L3MBTL4: variants seen among roughly 807,000 people sequenced by gnomAD.
The protein encoded by L3MBTL4 is L3MBTL histone methyl-lysine binding protein 4.
L3MBTL4 carries 70 observed loss-of-function variants against 84.5 expected under a neutral mutation model. That is an observed-to-expected ratio of 0.83 (90% CI 0.68 to 1.01). The LOEUF (loss-of-function observed/expected upper bound fraction) is 1.01, where lower values mean the gene tolerates loss of function less well. Among genes scored for constraint, L3MBTL4 ranks in the 50% least tolerant of loss-of-function variants. The pLI is 0.00. For missense variants in L3MBTL4, 715 were observed against 754.8 expected (o/e 0.95, Z 0.62); for synonymous variants, 274 against 259.8 (o/e 1.05, Z -0.52).
intron 3 of L3MBTL4, among the ~76,000 whole-genome samples, chr18:6,311,347 T>TTA (rs1304739426): frequency 6.6e-6 from 1 of 151,926 alleles, no homozygotes; most frequent in Admixed American, 6.6e-5. Flanking sequence ...CCTTTCACCT[T>TTA]TAAAGTTAAG....
intron 1 of L3MBTL4, among the ~76,000 whole-genome samples, chr18:6,374,587 C>A (rs2054290335): frequency 6.6e-6 from 1 of 152,114 alleles, no homozygotes; most frequent in South Asian, 2.1e-4. Flanking sequence ...TGATTACAGT[C>A]AAAATTCCAA....
In L3MBTL4 at chr18:6,239,789, C is replaced by T. The variant is rs751249477; in HGVS notation, c.636G>A (p.Ala212=). 7.4e-6 allele frequency: 12 copies of T among 1,614,020 alleles called. No homozygotes were observed. The highest frequency in any genetic ancestry group is 6.7e-5 in the East Asian group (3 of 44,902). ...GATCTTCAACAATATCTGCTATGGTCGCCACACACACCAAGGAAGGGTTCT... is the reference window on the plus strand; with the variant it reads ...GATCTTCAACAATATCTGCTATGGTTGCCACACACACCAAGGAAGGGTTCT... The part of the protein sequence containing the change: ...DRKNPSLVCV[A]TIADIVEDRL... The change falls in exon 9 of 19, where the codon GCG becomes GCA. Residue 212 remains alanine, a synonymous_variant. Transcript: ENST00000317931.
At chr18:5,973,237 G>C (rs2052742897) in intron 16 of L3MBTL4, among the ~76,000 whole-genome samples, 1 of 152,196 alleles carries the variant, frequency 6.6e-6, no homozygotes, top group Admixed American at 6.5e-5. Context: ...GAGTGGTCCT[G>C]GAATGACAGT....
Position 5,956,105 on chromosome 18 carries a change from A to C in L3MBTL4, c.*115T>G. On this transcript the variant is annotated 3_prime_UTR_variant, in exon 19 of 19. Transcript: ENST00000317931. ...TAAACAAATCACAGACACTTTAAAA[A>C]GTCCAGATTCAGTGTGGATACGGCC... 1 of 879,338 alleles carries C rather than the reference A, an allele frequency of 1.1e-6. No individual in the cohort carries two copies. The highest frequency in any genetic ancestry group is 1.8e-6 in the Non-Finnish European group (1 of 559,072). The allele number at this position is 879,338 out of a possible 1,614,324, so 54.5% of individuals were successfully genotyped here. A position where few individuals can be genotyped will look rare whatever the true frequency, so the allele number is the denominator to read the frequency against.
intron 15 of L3MBTL4, among the ~76,000 whole-genome samples, chr18:6,090,571 ATG>A (rs10645385): frequency 1.3e-5 from 2 of 149,048 alleles, no homozygotes; most frequent in African/African-American, 4.9e-5. Context: ...ATATAAATAT[ATG>A]TGTATATATA....
chr18:6,001,501 A>C (rs1028531266), intron 16 of L3MBTL4, among the ~76,000 whole-genome samples: 3 of 152,188 alleles, frequency 2.0e-5, no homozygotes, highest in African/African-American at 7.2e-5. Context: ...AGAAGCAGCA[A>C]ACCCTGGGGA....
intron 1 of L3MBTL4, among the ~76,000 whole-genome samples, chr18:6,324,158 C>G (rs2051585959): frequency 1.3e-5 from 2 of 152,096 alleles, no homozygotes; most frequent in Admixed American, 1.3e-4. Context: ...AATTGAGGCT[C>G]AGGAGCCTCT....
At chr18:5,979,504 G>A (rs1481720834) in intron 16 of L3MBTL4, among the ~76,000 whole-genome samples, 1 of 152,134 alleles carries the variant, frequency 6.6e-6, no homozygotes, top group Non-Finnish European at 1.5e-5. Context: ...CATGAAGGAT[G>A]GTGCTATTAG....
At chr18:6,321,590 A>T (rs1288900232) in intron 1 of L3MBTL4, among the ~76,000 whole-genome samples, 1 of 152,204 alleles carries the variant, frequency 6.6e-6, no homozygotes, top group Non-Finnish European at 1.5e-5. Flanking sequence ...CATATCAAAA[A>T]GACATATACA....
intron 14 of L3MBTL4, among the ~76,000 whole-genome samples, chr18:6,124,580 C>A (rs530874524): frequency 6.6e-6 from 1 of 151,994 alleles, no homozygotes; most frequent in South Asian, 2.1e-4. Context: ...AGAGAGAGCT[C>A]TGAAAGAAAA....
intron 16 of L3MBTL4, among the ~76,000 whole-genome samples, chr18:6,039,842 G>T (rs528539820): frequency 6.6e-6 from 1 of 152,306 alleles, no homozygotes; most frequent in Admixed American, 6.5e-5. Context: ...TTATGATACT[G>T]CTGATTGAAA....
chr18:6,259,108 G>A (rs892217825), intron 5 of L3MBTL4: 1 of 152,216 alleles, frequency 6.6e-6, no homozygotes, highest in Non-Finnish European at 1.5e-5. Flanking sequence ...ACAGGGAGGA[G>A]GGAATGACGT....
At chr18:6,239,663 T>C in intron 9 of L3MBTL4, 55 bp downstream of exon 9, 1 of 1,568,452 alleles carries the variant, frequency 6.4e-7, no homozygotes, top group Non-Finnish European at 8.7e-7. Flanking sequence ...TGAAAACAAA[T>C]TCTTAACATC....
intron 14 of L3MBTL4, among the ~76,000 whole-genome samples, chr18:6,120,160 G>C (rs2059480871): frequency 6.6e-6 from 1 of 152,202 alleles, no homozygotes. Flanking sequence ...AAACAGTACA[G>C]ATGTGTTTTT....
intron 1 of L3MBTL4, among the ~76,000 whole-genome samples, chr18:6,390,802 C>G (rs1470270399): frequency 1.3e-5 from 2 of 152,032 alleles, no homozygotes; most frequent in African/African-American, 4.8e-5. Context: ...ATGAACAGAC[C>G]AATAACAAGC....
chr18:6,397,998 TTTCCCTC>T, intron 1 of L3MBTL4: 1 of 152,208 alleles, frequency 6.6e-6, no homozygotes. Context: ...TCTGAGATGG[TTTCCCTC>T]TTACATTTTT....
intron 16 of L3MBTL4, among the ~76,000 whole-genome samples, chr18:6,036,781 T>C (rs969740425): frequency 2.0e-5 from 3 of 152,236 alleles, no homozygotes; most frequent in African/African-American, 7.2e-5. Context: ...TTTAAAATTG[T>C]TGTTGTTTGA....
At chr18:5,969,009 C>T (rs1264693404) in intron 17 of L3MBTL4, among the ~76,000 whole-genome samples, 4 of 152,130 alleles carry the variant, frequency 2.6e-5, no homozygotes, top group Non-Finnish European at 5.9e-5. Flanking sequence ...GCACCTTTCC[C>T]AGAGCACACG....
At chr18:6,188,450 G>T (rs1366277568) in intron 12 of L3MBTL4, among the ~76,000 whole-genome samples, 1 of 151,636 alleles carries the variant, frequency 6.6e-6, no homozygotes. Flanking sequence ...AAAATGTCTA[G>T]AAACTAAAAA....
Sources: gnomAD v4.1 joint callset for allele counts (sites outside exome capture counted in the v4.1 genomes callset) on GRCh38, gnomAD v4.1.1 for gene constraint, MANE v1.5 for transcripts, NCBI Gene and HGNC (gene_info 2026-07-23, HGNC 2026-07-21) for gene names.